Variants in TRIM37 observed in about 807,000 individuals in gnomAD.
The protein encoded by TRIM37 is tripartite motif containing 37, also known as E3 ubiquitin-protein ligase TRIM37.
A neutral mutation model predicts 129.8 loss-of-function variants in TRIM37; 80 were observed. The observed-to-expected ratio is 0.62, with a 90% confidence interval of 0.51 to 0.74. The LOEUF (loss-of-function observed/expected upper bound fraction) is 0.74. TRIM37 is among the 30% of genes least tolerant of loss of function. TRIM37 has a pLI of 0.00. For missense variants in TRIM37, 1,054 were observed against 1,176.5 expected (o/e 0.90, Z 1.52); for synonymous variants, 389 against 387.1 (o/e 1.00, Z -0.06).
downstream of TRIM37, among the ~76,000 whole-genome samples, chr17:58,995,937 G>T (rs1346398490): frequency 6.6e-6 from 1 of 151,960 alleles, no homozygotes; most frequent in African/African-American, 2.4e-5. Flanking sequence ...AGCCCAGGGG[G>T]TTGAGGCTGT....
intron 20 of TRIM37, among the ~76,000 whole-genome samples, 179 bp from the exon 21 acceptor site, chr17:59,015,978 A>AAAAAT (rs910819490): frequency 2.0e-4 from 30 of 151,976 alleles, no homozygotes; most frequent in African/African-American, 4.6e-4. Flanking sequence ...TCTGTCTCCA[A>AAAAAT]AAAATAAAAT....
chr17:59,007,045 G>C (rs903975538), intron 22 of TRIM37, among the ~76,000 whole-genome samples: 3 of 151,848 alleles, frequency 2.0e-5, no homozygotes, highest in African/African-American at 7.3e-5. Flanking sequence ...CCAGAATGCT[G>C]TTCTGACTCT....
At chr17:59,032,134 A>T (rs773826764) in intron 17 of TRIM37, 44 bp from the exon 18 acceptor site, 9 of 1,582,942 alleles carry the variant, frequency 5.7e-6, no homozygotes, top group Non-Finnish European at 7.8e-6. Flanking sequence ...GCACAAACTT[A>T]GCTATACTTA....
rs187759970 is a variant in TRIM37 at position 59,091,134 on chromosome 17, T to G, written c.164+166A>C. Among the ~76,000 whole-genome samples the G allele has an allele frequency of 4.5e-3, 690 of 152,124 alleles. 3 individuals carry two copies. Among genetic ancestry groups the G allele is most frequent in the African/African-American group, 0.016 (654 of 41,498 alleles). On this transcript the variant is annotated intron_variant, in intron 3 of 23. Coordinates refer to ENST00000262294, the MANE Select transcript of TRIM37 (RefSeq NM_015294.6). ...TAAACGTAATTTTAAGTCACATGAA[T>G]TAGTCCCTGCATTTCTTTTTCTAGT...
At position 59,064,376 on chromosome 17, in the gene TRIM37, G is replaced by C. The variant is rs901114444; in HGVS notation, c.839C>G (p.Thr280Ser). ...TTACCTGAAATTCTCTAAAACAAAA[G>C]TAGCTGAATCGTAAGATGGCACTAA... ...SELVPSYDSA[T>S]FVLENFSTLR... The change falls in exon 10 of 24, where the codon ACT becomes AGT. Residue 280 changes from threonine to serine, a missense_variant. Coordinates refer to ENST00000262294, the MANE Select transcript of TRIM37 (RefSeq NM_015294.6). 19 of 1,598,746 alleles carry C rather than the reference G, an allele frequency of 1.2e-5. No homozygotes were observed. Among genetic ancestry groups the C allele is most frequent in the Non-Finnish European group, 1.6e-5 (19 of 1,171,988 alleles).
rs1351672120 is a variant in TRIM37, at chr17:59,084,190, A to G, written c.282-101T>C. The G allele has an allele frequency of 5.7e-6, 5 of 871,898 alleles. 1 individual carries two copies. Among genetic ancestry groups the G allele is most frequent in the South Asian group, 4.3e-5 (3 of 70,364 alleles). 54.0% of individuals were successfully genotyped at this position (871,898 alleles called of 1,614,324 possible). On this transcript the variant is annotated intron_variant, in intron 4 of 23. Coordinates refer to ENST00000262294, the MANE Select transcript of TRIM37 (RefSeq NM_015294.6). The stretch of plus-strand genomic sequence containing the variant: ...GCAAACAGGTCAGTTTTAAATGATT[A>G]TATCTCAAGAAACACAGTATAAAAT...
At chr17:58,977,818 C>T (rs1454135065), downstream of TRIM37, among the ~76,000 whole-genome samples, 1 of 152,236 alleles carries the variant, frequency 6.6e-6, no homozygotes, top group Non-Finnish European at 1.5e-5. Flanking sequence ...TCTGGGCTCA[C>T]TGCAACCTCT....
chr17:59,007,283 C>T (rs1468861302), intron 22 of TRIM37, among the ~76,000 whole-genome samples: 3 of 138,818 alleles, frequency 2.2e-5, no homozygotes, highest in African/African-American at 8.0e-5. Context: ...TTTTCTAATC[C>T]TGAAAACTGC....
chr17:59,044,047 C>A (rs528752602), intron 16 of TRIM37, among the ~76,000 whole-genome samples: 14 of 152,296 alleles, frequency 9.2e-5, no homozygotes, highest in African/African-American at 3.4e-4. Context: ...GTAATCCCAG[C>A]ACTTTGGGAA....
intron 22 of TRIM37, among the ~76,000 whole-genome samples, chr17:59,009,884 A>G (rs2035043493): frequency 6.6e-6 from 1 of 152,218 alleles, no homozygotes; most frequent in Non-Finnish European, 1.5e-5. Flanking sequence ...AATACTGGTA[A>G]AGTCTTTAAC....
intron 17 of TRIM37, 143 bp from the exon 18 acceptor site, chr17:59,032,233 G>T (rs903559681): frequency 7.1e-6 from 7 of 985,818 alleles, no homozygotes; most frequent in Non-Finnish European, 9.2e-6. Flanking sequence ...GAAGCAGAAA[G>T]AAGGAACCAG....
chr17:59,030,561 T>C (rs1427850301), intron 18 of TRIM37, among the ~76,000 whole-genome samples: 1 of 152,228 alleles, frequency 6.6e-6, no homozygotes, highest in Non-Finnish European at 1.5e-5. Flanking sequence ...AAATTTGAAA[T>C]TCAGATCATC....
At chr17:58,977,904 G>A (rs1056294783), downstream of TRIM37, among the ~76,000 whole-genome samples, 8 of 151,992 alleles carry the variant, frequency 5.3e-5, no homozygotes, top group Admixed American at 2.6e-4. Context: ...CACCAGGCCC[G>A]GCTAATTTTT....
chr17:59,029,840 TA>T (rs946539927), intron 18 of TRIM37, among the ~76,000 whole-genome samples: 2 of 152,242 alleles, frequency 1.3e-5, no homozygotes, highest in African/African-American at 4.8e-5. Context: ...GCCTTTTCAA[TA>T]AAAAGAAAGT....
At chr17:59,093,084 A>T (rs969805057) in intron 2 of TRIM37, among the ~76,000 whole-genome samples, 2 of 152,182 alleles carry the variant, frequency 1.3e-5, no homozygotes, top group Non-Finnish European at 2.9e-5. Context: ...CAGGAGGTGG[A>T]GGCTGCAGGG....
intron 9 of TRIM37, among the ~76,000 whole-genome samples, chr17:59,070,030 T>C (rs1054350747): frequency 6.6e-6 from 1 of 152,256 alleles, no homozygotes; most frequent in African/African-American, 2.4e-5. Context: ...TATTTTGTTA[T>C]AGCAGCCCAA....
chr17:59,012,332 T>C lies in TRIM37; in HGVS notation c.2691A>G (p.Glu897=). Residue 897 remains glutamate, a synonymous_variant, in exon 22 of 24, where the codon GAA becomes GAG. Coordinates refer to ENST00000262294, the MANE Select transcript of TRIM37 (RefSeq NM_015294.6). ...TATAAGTTTATCATTCCTTACCTTC[T>C]TCAGGGGCAGCTGAAGCTCCTTCAG... ...VLPEGASAAP[E]EGMSSDSDIE... The C allele has an allele frequency of 1.9e-6, 3 of 1,604,270 alleles. No homozygotes were observed. Among genetic ancestry groups the C allele is most frequent in the East Asian group, 2.2e-5 (1 of 44,760 alleles).
At chr17:59,042,616 A>T (rs2039374156) in intron 16 of TRIM37, among the ~76,000 whole-genome samples, 1 of 151,390 alleles carries the variant, frequency 6.6e-6, no homozygotes, top group Admixed American at 6.6e-5. Context: ...TACAAAAATT[A>T]GCTGGGCGTT....
At chr17:59,016,144 G>A (rs2035901168) in intron 20 of TRIM37, among the ~76,000 whole-genome samples, 1 of 151,534 alleles carries the variant, frequency 6.6e-6, no homozygotes, top group South Asian at 2.1e-4. Flanking sequence ...CTGTAATCCT[G>A]GCACTCTGGG....
Sources: gnomAD v4.1 joint callset for allele counts (sites outside exome capture counted in the v4.1 genomes callset) on GRCh38, gnomAD v4.1.1 for gene constraint, MANE v1.5 for transcripts, NCBI Gene and HGNC (gene_info 2026-07-23, HGNC 2026-07-21) for gene names.